MTM1: variants seen among roughly 807,000 people sequenced by gnomAD.
MTM1 encodes myotubularin 1, also known as myotubularin.
In MTM1, 9 loss-of-function variants were observed where a neutral mutation model predicts 52.1. That is an observed-to-expected ratio of 0.17 (90% CI 0.10 to 0.30). The LOEUF (loss-of-function observed/expected upper bound fraction) is 0.30, where lower values mean the gene tolerates loss of function less well. Among genes scored for constraint, MTM1 ranks in the 10% least tolerant of loss-of-function variants. The pLI is 1.00. For missense variants in MTM1, 277 were observed against 470.7 expected (o/e 0.59, Z 3.81); for synonymous variants, 136 against 163.8 (o/e 0.83, Z 1.29).
intron 1 of MTM1, among the ~76,000 whole-genome samples, chrX:150,589,084 GTGAGT>G (rs782761016): frequency 4.5e-5 from 5 of 111,936 alleles, no homozygotes; most frequent in Non-Finnish European, 7.5e-5. Context: ...GGTTGGCTAG[GTGAGT>G]TGAGTTCTCT....
At chrX:150,586,424 A>G (rs782728496) in intron 1 of MTM1, among the ~76,000 whole-genome samples, 2 of 111,497 alleles carry the variant, frequency 1.8e-5, no homozygotes, top group South Asian at 7.5e-4. Flanking sequence ...CTGGGCTAGG[A>G]GTCAAGTGTT....
rs782557329 is a variant in MTM1 at position 150,598,678 on chromosome X, T to C, written c.223T>C (p.Leu75=). The C allele has an allele frequency of 3.5e-6, 4 of 1,152,279 alleles. No homozygotes were observed. The highest frequency in any genetic ancestry group is 6.0e-5 in the East Asian group (2 of 33,453). 95.0% of individuals were successfully genotyped at this position (1,152,279 alleles called of 1,213,427 possible). A position where few individuals can be genotyped will look rare whatever the true frequency, so the allele number is the denominator to read the frequency against. Residue 75 remains leucine, a synonymous_variant, in exon 4 of 15, where the codon TTG becomes CTG. Transcript: ENST00000370396. ...ITNYRLYLRS[L]ETDSSLILDV... is the part of the protein sequence containing the mutation. ...AAATTATCGTCTTTATTTAAGAAGT[T>C]TGGAAACGGTAAGTAGAATATAAGA...
At chrX:150,623,359 G>A (rs782654014) in intron 6 of MTM1, among the ~76,000 whole-genome samples, 1 of 110,844 alleles carries the variant, frequency 9.0e-6, no homozygotes, top group African/African-American at 3.3e-5. Flanking sequence ...CAACTCTAGT[G>A]CCTAGTCCAG....
intron 6 of MTM1, among the ~76,000 whole-genome samples, chrX:150,635,174 ATCT>A (rs782741440): frequency 3.6e-4 from 41 of 112,466 alleles, no homozygotes; most frequent in Non-Finnish European, 6.9e-4. Flanking sequence ...TCAGCAAAAC[ATCT>A]TCTCTGTCCT....
At chrX:150,651,779 T>C (rs368065767) in intron 10 of MTM1, among the ~76,000 whole-genome samples, 2 of 111,243 alleles carry the variant, frequency 1.8e-5, no homozygotes, top group African/African-American at 6.5e-5. Context: ...GGGGAAAAGA[T>C]CAGAGGACTT....
intron 1 of MTM1, among the ~76,000 whole-genome samples, chrX:150,591,424 C>T (rs1316256509): frequency 8.9e-6 from 1 of 112,726 alleles, no homozygotes; most frequent in Non-Finnish European, 1.9e-5. Flanking sequence ...GTGTTGAACT[C>T]TCACGGGGGA....
intron 1 of MTM1, among the ~76,000 whole-genome samples, chrX:150,591,351 G>C (rs1047987861): frequency 1.8e-5 from 2 of 112,030 alleles, no homozygotes; most frequent in Non-Finnish European, 3.8e-5. Context: ...CCAGATAGTT[G>C]TGAGTTCCAG....
At chrX:150,635,982 G>A (rs1313737028) in intron 6 of MTM1, among the ~76,000 whole-genome samples, 1 of 112,039 alleles carries the variant, frequency 8.9e-6, no homozygotes, top group Non-Finnish European at 1.9e-5. Context: ...TGTGCTTCAC[G>A]AGGAGAAATA....
At chrX:150,597,002 C>A in intron 3 of MTM1, 2 of 126,018 alleles carry the variant, frequency 1.6e-5, no homozygotes, top group Non-Finnish European at 1.6e-5. Context: ...ATCTTTCATT[C>A]GTCAGAAAAT....
At chrX:150,668,451 C>T (rs1384359877) in intron 14 of MTM1, among the ~76,000 whole-genome samples, 1 of 107,929 alleles carries the variant, frequency 9.3e-6, no homozygotes, top group African/African-American at 3.4e-5. Flanking sequence ...CTTTGGTAGG[C>T]TAAGGCAGGA....
intron 6 of MTM1, among the ~76,000 whole-genome samples, chrX:150,631,704 A>C (rs1603177269): frequency 9.2e-6 from 1 of 109,035 alleles, no homozygotes; most frequent in Admixed American, 9.8e-5. Flanking sequence ...AAATAAAATA[A>C]ATTATCTCAT....
upstream of MTM1, among the ~76,000 whole-genome samples, chrX:150,565,561 G>C (rs1274832423): frequency 9.0e-6 from 1 of 111,561 alleles, no homozygotes; most frequent in Non-Finnish European, 1.9e-5. Flanking sequence ...GAGCATAGAG[G>C]CCAAGGGAGA....
chrX:150,601,452 T>A (rs2039066099), intron 4 of MTM1, among the ~76,000 whole-genome samples: 2 of 112,537 alleles, frequency 1.8e-5, no homozygotes, highest in Non-Finnish European at 3.8e-5. Flanking sequence ...TGTTGCATGT[T>A]TGACAAAAAG....
At chrX:150,650,761 G>A (rs782814154) in intron 10 of MTM1, among the ~76,000 whole-genome samples, 2 of 110,912 alleles carry the variant, frequency 1.8e-5, no homozygotes, top group South Asian at 3.9e-4. Flanking sequence ...CTTCCCTCTC[G>A]TATCTATTCT....
intron 4 of MTM1, among the ~76,000 whole-genome samples, chrX:150,599,149 G>A (rs1307621554): frequency 8.9e-6 from 1 of 112,841 alleles, no homozygotes; most frequent in African/African-American, 3.2e-5. Context: ...GTGAATTTCT[G>A]GGTGAAGCCC....
At chrX:150,639,407 A>G (rs911847970) in intron 7 of MTM1, among the ~76,000 whole-genome samples, 4 of 112,414 alleles carry the variant, frequency 3.6e-5, no homozygotes, top group African/African-American at 6.5e-5. Context: ...GAGCTTAACT[A>G]TTACCTGCAG....
In MTM1 at chrX:150,588,231, C is replaced by T. The variant is rs782685657; in HGVS notation, c.-10-4374C>T. 5.3e-5 allele frequency among the ~76,000 whole-genome samples: 6 copies of T among 112,159 alleles called. No individual in the cohort carries two copies. In the South Asian group the frequency reaches 1.8e-3, roughly 34 times the overall value. ...AGAGAAAGAGCATGATTGAACTTAA[C>T]GTAAATGCCAACACAGAGTCATAAA... On this transcript the variant is annotated intron_variant, in intron 1 of 14. Coordinates refer to ENST00000370396, the MANE Select transcript of MTM1 (RefSeq NM_000252.3).
chrX:150,657,702 G>C (rs2040145497), intron 10 of MTM1, 119 bp from the exon 11 acceptor site: 11 of 669,856 alleles, frequency 1.6e-5, no homozygotes, highest in Non-Finnish European at 2.6e-5. Context: ...GTTTCCTTTT[G>C]ATAAATCTTT....
intron 1 of MTM1, among the ~76,000 whole-genome samples, chrX:150,580,128 G>A (rs1189356369): frequency 8.9e-6 from 1 of 111,783 alleles, no homozygotes; most frequent in Non-Finnish European, 1.9e-5. Flanking sequence ...GTCAGCTGAA[G>A]GTTTTTCATA....
Sources: allele counts gnomAD v4.1 joint callset (sites outside exome capture counted in the v4.1 genomes callset), GRCh38; gene constraint gnomAD v4.1.1; transcripts MANE v1.5; gene names NCBI Gene and HGNC (gene_info 2026-07-23, HGNC 2026-07-21).